The following MAP3K15 variants were observed in gnomAD, a reference collection of about 807,000 sequenced individuals.
The protein encoded by MAP3K15 is MAPK/ERK kinase kinase 15.
Under a neutral mutation model 99.5 loss-of-function variants are expected in MAP3K15, and 124 were observed. That is an observed-to-expected ratio of 1.25 (90% CI 1.08 to 1.45). MAP3K15 has a LOEUF of 1.45. MAP3K15 is among the 40% of genes most tolerant of loss of function. The pLI, the probability that MAP3K15 is intolerant of heterozygous loss-of-function variation, is 0.00. For synonymous variants in MAP3K15, 494 were observed against 439.6 expected (o/e 1.12, Z -1.55); for missense variants, 1,242 against 1,079.7 (o/e 1.15, Z -2.11).
At position 19,515,087 on chromosome X, in the gene MAP3K15, G is replaced by T; in HGVS notation, c.175C>A (p.Arg59=). The T allele has an allele frequency of 1.1e-6, 1 of 877,403 alleles. No homozygotes were observed. The highest frequency in any genetic ancestry group is 1.5e-6 in the Non-Finnish European group (1 of 681,803). The allele number at this position is 877,403 out of a possible 1,213,427, so 72.3% of individuals were successfully genotyped here. Residue 59 remains arginine (R), a synonymous_variant, in exon 1 of 29, where the codon CGG becomes AGG. Coordinates refer to ENST00000338883, the MANE Select transcript of MAP3K15 (RefSeq NM_001001671.4). The part of the protein sequence containing the change: ...GEGESGGGPR[R]ALRAVYVRSE... The stretch of plus-strand genomic sequence containing the variant: ...CGCACGTATACTGCCCGCAGAGCCC[G>T]CCGCGGCCCGCCCCCACTCTCGCCC...
At chrX:19,489,051 A>C in intron 1 of MAP3K15, 84 bp from the exon 2 acceptor site, 1 of 867,161 alleles carries the variant, frequency 1.2e-6, no homozygotes, top group Non-Finnish European at 1.6e-6. Context: ...GTGAGGAGCT[A>C]TAGCAATGTG....
At chrX:19,361,700 G>T in intron 26 of MAP3K15, 107 bp from the exon 27 acceptor site, 1 of 545,359 alleles carries the variant, frequency 1.8e-6, no homozygotes, top group South Asian at 2.9e-5. Flanking sequence ...ATGTGAAAAA[G>T]AGATGAATTA....
At chrX:19,423,683 T>G (rs2063805072) in intron 9 of MAP3K15, among the ~76,000 whole-genome samples, 1 of 112,019 alleles carries the variant, frequency 8.9e-6, no homozygotes, top group Admixed American at 9.5e-5. Flanking sequence ...AAGAAAGATC[T>G]GGCCCTGGAC....
chrX:19,489,267 C>T (rs2064350437), intron 1 of MAP3K15, among the ~76,000 whole-genome samples: 1 of 110,997 alleles, frequency 9.0e-6, no homozygotes, highest in Admixed American at 9.6e-5. Context: ...ATATATTTAG[C>T]TTATATATGA....
chrX:19,390,465 A>C (rs1179630252), intron 18 of MAP3K15, among the ~76,000 whole-genome samples: 1 of 102,500 alleles, frequency 9.8e-6, no homozygotes, highest in African/African-American at 3.5e-5. Flanking sequence ...ACACCACCAC[A>C]CCCAGCTAAT....
In MAP3K15 at chrX:19,433,614, T is replaced by C. The variant is rs188199681; in HGVS notation, c.996-2006A>G. 1.1e-3 allele frequency among the ~76,000 whole-genome samples: 124 copies of C among 111,173 alleles called. 1 individual carries two copies. The highest frequency in any genetic ancestry group is 9.0e-4 in the Non-Finnish European group (48 of 53,116). On this transcript the variant is annotated intron_variant, in intron 6 of 28. Transcript: ENST00000338883. Reference sequence around the variant, plus strand: ...CTAGAATCACCTGAGGCAATTCTCATAATCCATCTCTTCCTCTAGATCTCT... The same window carrying C: ...CTAGAATCACCTGAGGCAATTCTCACAATCCATCTCTTCCTCTAGATCTCT...
At position 19,453,647 on chromosome X, in the gene MAP3K15, G is replaced by T. The variant is rs149380993; in HGVS notation, c.995+3266C>A. 1.7e-4 allele frequency among the ~76,000 whole-genome samples: 19 copies of T among 111,392 alleles called. No individual in the cohort carries two copies. In the East Asian group the frequency reaches 5.3e-3, roughly 31 times the overall value. On this transcript the variant is annotated intron_variant, in intron 6 of 28. Coordinates refer to ENST00000338883, the MANE Select transcript of MAP3K15 (RefSeq NM_001001671.4). ...TTTCTTTCTCCTCTCCAAAACAAAG[G>T]ATTTGGACTAAATGATTCCTTTTAA...
intron 13 of MAP3K15, among the ~76,000 whole-genome samples, chrX:19,405,741 T>C (rs372951967): frequency 8.9e-6 from 1 of 112,029 alleles, no homozygotes; most frequent in African/African-American, 3.2e-5. Context: ...TAATGGAGCA[T>C]TGTCTACAAC....
At position 19,459,965 on chromosome X, in the gene MAP3K15, C is replaced by T. The variant is rs372905874; in HGVS notation, c.888+20G>A. 1.8e-5 allele frequency: 20 copies of T among 1,118,352 alleles called. No homozygotes were observed. The East Asian group carries it at 2.6e-4, about 14-fold the overall frequency. The allele number at this position is 1,118,352 out of a possible 1,213,427, so 92.2% of individuals were successfully genotyped here. A position where few individuals can be genotyped will look rare whatever the true frequency, so the allele number is the denominator to read the frequency against. On this transcript the variant is annotated intron_variant, in intron 5 of 28. Transcript: ENST00000338883. The stretch of plus-strand genomic sequence containing the variant: ...GGAAGAACGTAGCATACGTGAGCCT[C>T]GGCTAGGTGGATTTCATACCTGGAT...
chrX:19,362,853 G>T lies in MAP3K15; in HGVS notation c.3567-3C>A. 1.1e-6 allele frequency: 1 copy of T among 929,374 alleles called. No individual in the cohort carries two copies. The highest frequency in any genetic ancestry group is 1.5e-6 in the Non-Finnish European group (1 of 689,047). The allele number at this position is 929,374 out of a possible 1,213,427, so 76.6% of individuals were successfully genotyped here. A position where few individuals can be genotyped will look rare whatever the true frequency, so the allele number is the denominator to read the frequency against. On this transcript the variant is annotated splice_region_variant and splice_polypyrimidine_tract_variant and intron_variant, in intron 25 of 28. Transcript: ENST00000338883. Reference sequence around the variant, plus strand: ...TTTCAACTAGGTGTTCCAAAAGTCTGGTTTAAAAAAAAAAAAAAAAAGCCA... The same window carrying T: ...TTTCAACTAGGTGTTCCAAAAGTCTTGTTTAAAAAAAAAAAAAAAAAGCCA...
chrX:19,425,531 C>T lies in MAP3K15; in HGVS notation c.1439G>A (p.Trp480Ter). ...ATGACAACACACAGACACAACTCAC[C>T]AGACTGGAGGTTTCAGTTTGAACAA... ...ERLFKLKPPV[W>*]YLRSLVQNLL... The change falls in exon 9 of 29, where the codon TGG becomes TAG. Residue 480 changes from tryptophan to a stop codon, truncating the protein, a stop_gained and splice_region_variant. Coordinates refer to ENST00000338883, the MANE Select transcript of MAP3K15 (RefSeq NM_001001671.4). LOFTEE classifies it high-confidence loss of function. 8.4e-7 allele frequency: 1 copy of T among 1,193,736 alleles called. No homozygotes were observed. The highest frequency in any genetic ancestry group is 1.1e-6 in the Non-Finnish European group (1 of 891,858).
chrX:19,431,802 G>C (rs1029658736), intron 6 of MAP3K15, among the ~76,000 whole-genome samples, 194 bp from the exon 7 acceptor site: 3 of 111,255 alleles, frequency 2.7e-5, no homozygotes, highest in Admixed American at 9.6e-5. Context: ...AAGTAGCCGG[G>C]TGGTAGTGGC....
intron 7 of MAP3K15, among the ~76,000 whole-genome samples, chrX:19,430,553 C>T (rs2063872742): frequency 8.9e-6 from 1 of 112,026 alleles, no homozygotes; most frequent in African/African-American, 3.2e-5. Flanking sequence ...ATAGCTGATA[C>T]ACTCCCTAAA....
chrX:19,486,382 G>C (rs1602345692), intron 3 of MAP3K15, 100 bp downstream of exon 3: 7 of 350,731 alleles, frequency 2.0e-5, no homozygotes, highest in East Asian at 1.5e-4. Context: ...GGCGTGATTA[G>C]AAGTCATCTT....
chrX:19,469,387 A>G (rs778560858), intron 3 of MAP3K15, among the ~76,000 whole-genome samples: 1 of 111,968 alleles, frequency 8.9e-6, no homozygotes, highest in African/African-American at 3.3e-5. Flanking sequence ...TACACCTTAT[A>G]CACAAATTAA....
chrX:19,515,281 T>C lies in MAP3K15; in HGVS notation c.-20A>G. 2.3e-6 allele frequency: 2 copies of C among 872,722 alleles called. No homozygotes were observed. Among genetic ancestry groups the C allele is most frequent in the Non-Finnish European group, 1.4e-6 (1 of 713,002 alleles). The allele number at this position is 872,722 out of a possible 1,213,427, so 71.9% of individuals were successfully genotyped here. A position where few individuals can be genotyped will look rare whatever the true frequency, so the allele number is the denominator to read the frequency against. ...CTCCATGTGCCCGCCTGCGCGCCCT[T>C]CCCCTGGGCGAGTGGCCAGCGGCTG... On this transcript the variant is annotated 5_prime_UTR_variant, in exon 1 of 29. Transcript: ENST00000338883.
At chrX:19,433,619 C>T (rs192936442) in intron 6 of MAP3K15, among the ~76,000 whole-genome samples, 202 of 111,064 alleles carry the variant, frequency 1.8e-3, no homozygotes, top group African/African-American at 6.1e-3. Context: ...TCTCATAATC[C>T]ATCTCTTCCT....
intron 10 of MAP3K15, among the ~76,000 whole-genome samples, chrX:19,413,787 G>T (rs1177851451): frequency 5.7e-5 from 6 of 104,721 alleles, no homozygotes; most frequent in African/African-American, 2.1e-4. Context: ...GGAGAAGAGG[G>T]TGAGGAGGAG....
At chrX:19,417,100 G>T (rs73637643) in intron 9 of MAP3K15, among the ~76,000 whole-genome samples, 26,210 of 111,404 alleles carry the variant, frequency 0.24, 5,976 homozygotes, top group African/African-American at 0.72. Context: ...AACTCCAGTC[G>T]ACAGCCCCCA....
Sources: gnomAD v4.1 joint callset for allele counts (sites outside exome capture counted in the v4.1 genomes callset) on GRCh38, gnomAD v4.1.1 for gene constraint, MANE v1.5 for transcripts, NCBI Gene and HGNC (gene_info 2026-07-23, HGNC 2026-07-21) for gene names.